BRD10: variants seen among roughly 807,000 people sequenced by gnomAD.
BRD10 encodes bromodomain containing 10, also known as uncharacterized bromodomain-containing protein 10.
the BRD10 span, chr9:5,890,910 GCAGA>G: frequency 6.6e-6 from 1 of 152,232 alleles, no homozygotes; most frequent in Non-Finnish European, 1.5e-5. Context: ...CGGCCAGCCA[GCAGA>G]CAGAGGACTC....
chr9:5,985,342 C>CT, the BRD10 span, among the ~76,000 whole-genome samples: 1 of 151,950 alleles, frequency 6.6e-6, no homozygotes, highest in African/African-American at 2.4e-5. Context: ...GCTAAGATTC[C>CT]TTAGGTAGGT....
the BRD10 span, chr9:5,968,510 C>T: frequency 2.5e-6 from 4 of 1,612,468 alleles, no homozygotes; most frequent in Admixed American, 1.7e-5. Context: ...ACAAGGCCTG[C>T]GAATTCTAAT....
the BRD10 span, among the ~76,000 whole-genome samples, chr9:5,885,407 G>A: frequency 2.3e-4 from 34 of 148,708 alleles, no homozygotes; most frequent in South Asian, 6.1e-3. Flanking sequence ...TTTCACTCTC[G>A]TTGCCCAGGC....
chr9:6,008,134 G>A, the BRD10 span: 31 of 983,338 alleles, frequency 3.2e-5, no homozygotes, highest in East Asian at 3.5e-4. Context: ...GGGTCGCCGC[G>A]GCCTCGGCGC....
the BRD10 span, among the ~76,000 whole-genome samples, chr9:5,951,028 C>T: frequency 7.2e-6 from 1 of 138,190 alleles, no homozygotes; most frequent in African/African-American, 2.8e-5. Context: ...ATACAGAGGG[C>T]TGACTGTACA....
chr9:5,968,583 C>A, the BRD10 span: 1 of 1,613,854 alleles, frequency 6.2e-7, no homozygotes, highest in Non-Finnish European at 8.5e-7. Flanking sequence ...ATCATTTTAG[C>A]AGGACAGCAA....
the BRD10 span, among the ~76,000 whole-genome samples, chr9:5,980,862 T>G: frequency 6.6e-6 from 1 of 152,166 alleles, no homozygotes; most frequent in Non-Finnish European, 1.5e-5. Flanking sequence ...TAACAGGTGT[T>G]TTAACCTACG....
At chr9:5,994,279 G>A in the BRD10 span, among the ~76,000 whole-genome samples, 2 of 152,018 alleles carry the variant, frequency 1.3e-5, no homozygotes, top group Non-Finnish European at 2.9e-5. Flanking sequence ...ATCCATATAT[G>A]ATTTATAAAT....
At chr9:5,984,274 T>G in the BRD10 span, among the ~76,000 whole-genome samples, 9 of 151,950 alleles carry the variant, frequency 5.9e-5, no homozygotes, top group Non-Finnish European at 1.5e-5. Context: ...ACAATAACAG[T>G]GTATTGGGGG....
At chr9:5,931,543 C>T in the BRD10 span, among the ~76,000 whole-genome samples, 1 of 152,088 alleles carries the variant, frequency 6.6e-6, no homozygotes, top group African/African-American at 2.4e-5. Context: ...ATACAACTTA[C>T]CCACTAATCT....
chr9:5,921,873 G>A, the BRD10 span: 1 of 1,613,918 alleles, frequency 6.2e-7, no homozygotes. Flanking sequence ...CCAGTGGTGT[G>A]GCCTAATGTA....
At chr9:5,999,987 T>C in the BRD10 span, among the ~76,000 whole-genome samples, 1 of 152,230 alleles carries the variant, frequency 6.6e-6, no homozygotes. Context: ...GTATGGTTTA[T>C]TCAGAATTGT....
At chr9:5,929,998 G>C in the BRD10 span, among the ~76,000 whole-genome samples, 6 of 151,980 alleles carry the variant, frequency 3.9e-5, no homozygotes, top group Non-Finnish European at 8.8e-5. Flanking sequence ...GAAACCTCTA[G>C]AAGATACACC....
At chr9:5,969,203 T>C in the BRD10 span, 1 of 1,613,824 alleles carries the variant, frequency 6.2e-7, no homozygotes, top group African/African-American at 1.3e-5. Context: ...AGTCATTATT[T>C]TCGATAGAAA....
the BRD10 span, among the ~76,000 whole-genome samples, chr9:5,999,488 CTA>C: frequency 6.6e-6 from 1 of 151,950 alleles, no homozygotes; most frequent in Non-Finnish European, 1.5e-5. Context: ...CAAATTGAGT[CTA>C]GTTTTCTCCT....
the BRD10 span, among the ~76,000 whole-genome samples, chr9:5,926,870 TTTAC>T: frequency 2.6e-5 from 4 of 152,192 alleles, no homozygotes; most frequent in African/African-American, 9.7e-5. Flanking sequence ...TAAGCATCAG[TTTAC>T]TTATTACAAA....
At chr9:5,994,143 C>T in the BRD10 span, among the ~76,000 whole-genome samples, 4 of 152,056 alleles carry the variant, frequency 2.6e-5, no homozygotes, top group Non-Finnish European at 5.9e-5. Context: ...ATCACAATGC[C>T]CTCACCAAAA....
At chr9:5,920,907 T>C in the BRD10 span, 246 of 1,613,902 alleles carry the variant, frequency 1.5e-4, no homozygotes, top group Non-Finnish European at 2.0e-4. Flanking sequence ...CAAAGTCTAT[T>C]TGACAAAATA....
the BRD10 span, chr9:5,933,860 T>A: frequency 6.4e-6 from 3 of 470,358 alleles, no homozygotes; most frequent in Non-Finnish European, 1.3e-5. Context: ...GGCAATCTAC[T>A]GATGCTGGGG....
Sources: gnomAD v4.1 joint callset for allele counts (sites outside exome capture counted in the v4.1 genomes callset) on GRCh38, gnomAD v4.1.1 for gene constraint, MANE v1.5 for transcripts, NCBI Gene and HGNC (gene_info 2026-07-23, HGNC 2026-07-21) for gene names.